COL16A1: variants seen among roughly 807,000 people sequenced by gnomAD.
COL16A1 encodes collagen type XVI alpha 1 chain, also known as collagen alpha-1(XVI) chain.
In COL16A1, 189 loss-of-function variants were observed where a neutral mutation model predicts 266.3. That is an observed-to-expected ratio of 0.71 (90% CI 0.63 to 0.80). COL16A1 has a LOEUF of 0.80. COL16A1 is among the 30% of genes least tolerant of loss of function. The pLI is 0.00. For synonymous variants in COL16A1, 740 were observed against 782.3 expected (o/e 0.95, Z 0.90); for missense variants, 1,928 against 2,122.4 (o/e 0.91, Z 1.80).
chr1:31,654,418 A>T (rs7538900), intron 68 of COL16A1, among the ~76,000 whole-genome samples: 1 of 152,110 alleles, frequency 6.6e-6, no homozygotes, highest in African/African-American at 2.4e-5. Flanking sequence ...TGGCACATCA[A>T]TGTTGGATGA....
chr1:31,661,734 A>G (rs987809867), intron 58 of COL16A1, 30 bp from the exon 59 acceptor site: 3 of 1,587,858 alleles, frequency 1.9e-6, no homozygotes, highest in African/African-American at 1.4e-5. Flanking sequence ...GGATTGAGAC[A>G]AGAGTTTTGC....
At chr1:31,690,786 C>T (rs1346174559) in intron 20 of COL16A1, among the ~76,000 whole-genome samples, 1 of 152,190 alleles carries the variant, frequency 6.6e-6, no homozygotes, top group Non-Finnish European at 1.5e-5. Flanking sequence ...AATGAAGCTT[C>T]TGTGTGCCCC....
intron 30 of COL16A1, 32 bp from the exon 31 acceptor site, chr1:31,684,662 A>G (rs1319078194): frequency 1.2e-6 from 2 of 1,611,032 alleles, no homozygotes; most frequent in Non-Finnish European, 1.7e-6. Context: ...GAAAGCAAGG[A>G]TGGCCCAGCC....
At chr1:31,684,075 C>T in intron 32 of COL16A1, 34 bp downstream of exon 32, 1 of 1,611,198 alleles carries the variant, frequency 6.2e-7, no homozygotes, top group Non-Finnish European at 8.5e-7. Flanking sequence ...AGGCAAAGCC[C>T]AGGCAGGGAA....
intron 2 of COL16A1, 66 bp downstream of exon 2, chr1:31,702,055 G>C (rs1479871008): frequency 1.2e-6 from 2 of 1,611,064 alleles, no homozygotes; most frequent in Admixed American, 3.3e-5. Flanking sequence ...ATATGTGCAA[G>C]GACCCCAGCA....
At position 31,661,520 on chromosome 1, in the gene COL16A1, C is replaced by T. The variant is rs1641663428; in HGVS notation, c.3727-62G>A. The stretch of plus-strand genomic sequence containing the variant: ...GTCAGCTGGGGGCCTCTTCCCACTC[C>T]TCCTTCCTCAGTTCAAACAATTCAA... On this transcript the variant is annotated intron_variant, in intron 59 of 70. Coordinates refer to ENST00000373672, the MANE Select transcript of COL16A1 (RefSeq NM_001856.4). 8 of 1,613,450 alleles carry T rather than the reference C, an allele frequency of 5.0e-6. No individual in the cohort carries two copies. In the South Asian group the frequency reaches 6.6e-5, roughly 13 times the overall value.
chr1:31,697,808 C>T lies in COL16A1; in HGVS notation c.657+98G>A. On this transcript the variant is annotated intron_variant, in intron 6 of 70. Transcript: ENST00000373672. This position sits in a 1 kb window ranked among gnomAD's most constrained non-coding sequence, Gnocchi z 4.2. ...GGCAACAGGAAAGCAGGGGAAGATT[C>T]TAAGCAGGAGAAGGACTTGTTCCGA... 5.0e-6 allele frequency: 7 copies of T among 1,404,264 alleles called. No individual in the cohort carries two copies. The highest frequency in any genetic ancestry group is 2.6e-4 in the Middle Eastern group (1 of 3,774). The allele number at this position is 1,404,264 out of a possible 1,614,324, so 87.0% of individuals were successfully genotyped here. A position where few individuals can be genotyped will look rare whatever the true frequency, so the allele number is the denominator to read the frequency against.
chr1:31,697,319 T>A lies in COL16A1; in HGVS notation c.658-19A>T. ...GGTCAAACTGCAGGAGACACACACATCAATTTCACTTCATTTTATCAAATA... is the reference window on the plus strand; with the variant it reads ...GGTCAAACTGCAGGAGACACACACAACAATTTCACTTCATTTTATCAAATA... On this transcript the variant is annotated intron_variant, in intron 6 of 70. Transcript: ENST00000373672. This position sits in a 1 kb window ranked among gnomAD's most constrained non-coding sequence, Gnocchi z 4.2. 6.3e-7 allele frequency: 1 copy of A among 1,590,206 alleles called. No individual in the cohort carries two copies. Among genetic ancestry groups the A allele is most frequent in the Non-Finnish European group, 8.6e-7 (1 of 1,166,758 alleles).
rs1403383815 is a variant in COL16A1 at position 31,663,832 on chromosome 1, T to A, written c.3556-1174A>T. ...ATGAGAACTGATGCATGGATTGGAA[T>A]GTTTACCAGAAAAGGCGGGGGGAGG... On this transcript the variant is annotated intron_variant, in intron 56 of 70. Coordinates refer to ENST00000373672, the MANE Select transcript of COL16A1 (RefSeq NM_001856.4). The surrounding 1 kb of genome is among the most constrained non-coding windows in gnomAD (Gnocchi z 4.9). Among the ~76,000 whole-genome samples the A allele has an allele frequency of 1.3e-5, 2 of 152,084 alleles. No homozygotes were observed. Among genetic ancestry groups the A allele is most frequent in the Non-Finnish European group, 2.9e-5 (2 of 68,016 alleles).
intron 16 of COL16A1, among the ~76,000 whole-genome samples, 181 bp downstream of exon 16, chr1:31,692,293 G>A (rs1180897037): frequency 6.6e-6 from 1 of 152,036 alleles, no homozygotes; most frequent in Admixed American, 6.5e-5. Context: ...TTTCCCTCTA[G>A]GTCGGCTGGG....
chr1:31,700,193 G>A (rs1224301222), intron 2 of COL16A1, 78 bp from the exon 3 acceptor site: 1 of 1,364,860 alleles, frequency 7.3e-7, no homozygotes, highest in Non-Finnish European at 1.0e-6. Context: ...GGGGAACCTG[G>A]GAGGGAGCAA....
chr1:31,699,983 C>T (rs1469610592), intron 3 of COL16A1, 53 bp from the exon 4 acceptor site: 1 of 1,606,190 alleles, frequency 6.2e-7, no homozygotes, highest in African/African-American at 1.3e-5. Context: ...GAGAGGGGTA[C>T]AGATCACTCC....
chr1:31,691,313 G>C, intron 19 of COL16A1, 87 bp from the exon 20 acceptor site: 2 of 1,592,878 alleles, frequency 1.3e-6, no homozygotes, highest in South Asian at 2.3e-5. Context: ...CCTCCAGCCA[G>C]GATCCCTGGG....
rs1642000524 is a variant in COL16A1, at chr1:31,664,950, G to A, written c.3555+222C>T. 6.6e-6 allele frequency among the ~76,000 whole-genome samples: 1 copy of A among 152,144 alleles called. No homozygotes were observed. The highest frequency in any genetic ancestry group is 6.5e-5 in the Admixed American group (1 of 15,280). On this transcript the variant is annotated intron_variant, in intron 56 of 70. Coordinates refer to ENST00000373672, the MANE Select transcript of COL16A1 (RefSeq NM_001856.4). This position sits in a 1 kb window ranked among gnomAD's most constrained non-coding sequence, Gnocchi z 5.5. The stretch of plus-strand genomic sequence containing the variant: ...GGCCTGGGCTGCACAGAGGCCGCAG[G>A]CATCCTGGGCCAAGCAGACATCCCG...
chr1:31,683,778 C>T (rs370937107), intron 33 of COL16A1, 30 bp from the exon 34 acceptor site: 98 of 1,613,822 alleles, frequency 6.1e-5, no homozygotes, highest in Middle Eastern at 1.7e-4. Flanking sequence ...GTCCCTGGCT[C>T]GAGGTTCCCC....
In COL16A1 at chr1:31,670,574, G is replaced by A. The variant is rs561001352; in HGVS notation, c.3195+28C>T. 9.5e-6 allele frequency: 13 copies of A among 1,367,932 alleles called. No homozygotes were observed. In the South Asian group the frequency reaches 2.4e-4, roughly 25 times the overall value. 84.7% of individuals were successfully genotyped at this position (1,367,932 alleles called of 1,614,324 possible). On this transcript the variant is annotated intron_variant, in intron 49 of 70. Coordinates refer to ENST00000373672, the MANE Select transcript of COL16A1 (RefSeq NM_001856.4). The surrounding 1 kb of genome is among the most constrained non-coding windows in gnomAD (Gnocchi z 4.5). ...CAGAGACCTGGCTGACGGGGGGGAGGGGAGGTCGAGCAGCGCTAGGTTCTT... is the reference window on the plus strand; with the variant it reads ...CAGAGACCTGGCTGACGGGGGGGAGAGGAGGTCGAGCAGCGCTAGGTTCTT...
At chr1:31,695,154 C>T (rs778868622) in intron 11 of COL16A1, 32 bp downstream of exon 11, 3 of 1,612,450 alleles carry the variant, frequency 1.9e-6, no homozygotes, top group South Asian at 1.1e-5. Context: ...GGCTCTTGCC[C>T]GCTCCACCCT....
chr1:31,693,425 C>T (rs1161508911), intron 12 of COL16A1, among the ~76,000 whole-genome samples: 1 of 152,166 alleles, frequency 6.6e-6, no homozygotes, highest in Non-Finnish European at 1.5e-5. Flanking sequence ...TCCCCCACAC[C>T]CGTACCCAAG....
At position 31,653,851 on chromosome 1, in the gene COL16A1, T is replaced by C; in HGVS notation, c.4534+16A>G. ...AGAATTACATGTGTCCCTTGGGAAC[T>C]GTAGGGCAGAGCTACCTCTTACTCC... is the stretch of plus-strand genomic sequence containing the variant. On this transcript the variant is annotated intron_variant, in intron 69 of 70. Coordinates refer to ENST00000373672, the MANE Select transcript of COL16A1 (RefSeq NM_001856.4). 6.2e-7 allele frequency: 1 copy of C among 1,602,858 alleles called. No individual in the cohort carries two copies. The highest frequency in any genetic ancestry group is 2.2e-5 in the East Asian group (1 of 44,702).
Sources: gnomAD v4.1 joint callset for allele counts (sites outside exome capture counted in the v4.1 genomes callset) on GRCh38, gnomAD v4.1.1 for gene constraint, Gnocchi (gnomAD v3.1) non-coding constraint, MANE v1.5 for transcripts, NCBI Gene and HGNC (gene_info 2026-07-23, HGNC 2026-07-21) for gene names.